Variants in UNC50 observed in about 807,000 individuals in gnomAD.
The protein encoded by UNC50 is protein unc-50 homolog.
Under a neutral mutation model 31.5 loss-of-function variants are expected in UNC50, and 24 were observed. The ratio of observed to expected loss-of-function variants is 0.76; its 90% CI spans 0.55 to 1.07. The LOEUF is 1.07. Among genes scored for constraint, UNC50 ranks in the 50% least tolerant of loss-of-function variants. The probability of loss-of-function intolerance (pLI) is 0.00; values close to 1 mark genes in which losing one functional copy is unlikely to be tolerated. For missense variants in UNC50, 245 were observed against 304.2 expected, an observed-to-expected ratio of 0.81 and a Z score of 1.45; for synonymous variants, 118 against 114.7, an observed-to-expected ratio of 1.03 and a Z score of -0.18.
chr2:98,614,896 A>G (rs1700895609), intron 3 of UNC50, among the ~76,000 whole-genome samples: 1 of 152,232 alleles, frequency 6.6e-6, no homozygotes, highest in Admixed American at 6.5e-5. Flanking sequence ...ATCCCCAGTG[A>G]CGGAATAGCG....
At position 98,609,776 on chromosome 2, in the gene UNC50, C is replaced by T; in HGVS notation, c.17C>T (p.Ser6Leu). Reference protein sequence around the residue: MLPSTSVNSLVQGNGV... With the variant: MLPSTLVNSLVQGNGV... The stretch of plus-strand genomic sequence containing the variant: ...TCTAGGAAGATGTTACCGAGTACTT[C>T]AGTGAATTCCTTAGTGCAGGGGAAC... Residue 6 changes from serine (S) to leucine (L), a missense_variant, in exon 2 of 6, where the codon TCA (serine) becomes TTA (leucine). Physicochemically the swap from Ser to Leu is moderately radical, Grantham distance 145. Coordinates refer to ENST00000357765, the MANE Select transcript of UNC50 (RefSeq NM_014044.7). 2 of 1,614,236 alleles carry T rather than the reference C, an allele frequency of 1.2e-6. No homozygotes were observed. The highest frequency in any genetic ancestry group is 1.7e-6 in the Non-Finnish European group (2 of 1,180,040).
chr2:98,615,044 C>T (rs367702800), intron 3 of UNC50, among the ~76,000 whole-genome samples: 8 of 152,248 alleles, frequency 5.3e-5, no homozygotes, highest in African/African-American at 1.9e-4. Flanking sequence ...ACTTTTTATT[C>T]ATCATTGAAC....
In UNC50 at chr2:98,608,825, A is replaced by G. The variant is rs1296861001; in HGVS notation, c.-5+99A>G. The G allele has an allele frequency of 8.8e-5, 24 of 273,572 alleles. 1 individual carries two copies. Among genetic ancestry groups the G allele is most frequent in the South Asian group, 8.3e-4 (24 of 29,000 alleles). 16.9% of individuals were successfully genotyped at this position (273,572 alleles called of 1,614,324 possible). On this transcript the variant is annotated intron_variant, in intron 1 of 5. Coordinates refer to ENST00000357765, the MANE Select transcript of UNC50 (RefSeq NM_014044.7). ...CGGCCTGACGTCGCTGCGGCCTGGC[A>G]GTGACCATGTCGGCGTCCGGCCCCT...
At chr2:98,614,081 G>T (rs1380633000) in intron 3 of UNC50, among the ~76,000 whole-genome samples, 1 of 152,240 alleles carries the variant, frequency 6.6e-6, no homozygotes, top group Non-Finnish European at 1.5e-5. Context: ...TAGACTGCAT[G>T]TGTGGGTTGG....
At chr2:98,612,164 G>A (rs1268253669) in intron 3 of UNC50, among the ~76,000 whole-genome samples, 1 of 152,184 alleles carries the variant, frequency 6.6e-6, no homozygotes, top group African/African-American at 2.4e-5. Context: ...CAGTGGTTGG[G>A]TAGACATGGT....
At chr2:98,612,649 T>C (rs1229831157) in intron 3 of UNC50, among the ~76,000 whole-genome samples, 1 of 152,194 alleles carries the variant, frequency 6.6e-6, no homozygotes, top group Non-Finnish European at 1.5e-5. Flanking sequence ...CCTCAGGTGA[T>C]CCTCCCGCCT....
rs566349570 is a variant in UNC50, at chr2:98,618,123, A to ATTTAT, written c.644-42_644-41insATTTT. The stretch of plus-strand genomic sequence containing the variant: ...CAAAATGTTCATTTATTAGTCATTT[A>ATTTAT]TTTTTTTTTTTTTTTAAATCAGTTT... On this transcript the variant is annotated intron_variant, in intron 5 of 5. Coordinates refer to ENST00000357765, the MANE Select transcript of UNC50 (RefSeq NM_014044.7). The ATTTAT allele has an allele frequency of 5.2e-3, 6,410 of 1,233,950 alleles. 4 individuals carry two copies. The highest frequency in any genetic ancestry group is 6.4e-3 in the Non-Finnish European group (5,962 of 931,682). 76.4% of individuals were successfully genotyped at this position (1,233,950 alleles called of 1,614,324 possible).
At chr2:98,609,351 T>C (rs1269196502) in intron 1 of UNC50, 2 of 261,420 alleles carry the variant, frequency 7.7e-6, no homozygotes, top group Non-Finnish European at 1.5e-5. Context: ...TCAGTAACAC[T>C]GTTCTAACCG....
At chr2:98,609,558 C>T (rs3203856) in intron 1 of UNC50, 198 bp from the exon 2 acceptor site, 179,513 of 726,042 alleles carry the variant, frequency 0.25, 22,997 homozygotes, top group Middle Eastern at 0.31. Context: ...TTGCCCTTGC[C>T]TGAGGTTGCA....
At chr2:98,610,559 CA>C (rs755044694) in intron 2 of UNC50, among the ~76,000 whole-genome samples, 1 of 152,148 alleles carries the variant, frequency 6.6e-6, no homozygotes, top group Non-Finnish European at 1.5e-5. Flanking sequence ...ATACTGAGGC[CA>C]CCGTGGTGAA....
chr2:98,615,605 C>T (rs148020328), intron 3 of UNC50, among the ~76,000 whole-genome samples: 170 of 152,308 alleles, frequency 1.1e-3, no homozygotes, highest in African/African-American at 3.8e-3. Flanking sequence ...CCCCTCTGCT[C>T]ATCTCTTCCT....
In UNC50 at chr2:98,610,052, A is replaced by T; in HGVS notation, c.280+13A>T. 6.2e-7 allele frequency: 1 copy of T among 1,603,056 alleles called. No individual in the cohort carries two copies. The highest frequency in any genetic ancestry group is 1.1e-5 in the South Asian group (1 of 90,540). On this transcript the variant is annotated intron_variant, in intron 2 of 5. Coordinates refer to ENST00000357765, the MANE Select transcript of UNC50 (RefSeq NM_014044.7). The stretch of plus-strand genomic sequence containing the variant: ...ATCTGGCTCTGTGGTAAGTGTGTTT[A>T]TCTGAGATAGAATTGAACGCTGAGT...
intron 2 of UNC50, 42 bp from the exon 3 acceptor site, chr2:98,610,733 C>T (rs1349691017): frequency 6.2e-7 from 1 of 1,609,022 alleles, no homozygotes. Flanking sequence ...TTTCCAGAAC[C>T]TAGCAGAGTC....
intron 3 of UNC50, among the ~76,000 whole-genome samples, chr2:98,613,039 T>C (rs958066836): frequency 6.6e-6 from 1 of 152,206 alleles, no homozygotes; most frequent in African/African-American, 2.4e-5. Flanking sequence ...AAAACTACAG[T>C]TTCTGTGAAG....
intron 3 of UNC50, among the ~76,000 whole-genome samples, chr2:98,615,603 C>T (rs964536235): frequency 6.6e-6 from 1 of 152,200 alleles, no homozygotes; most frequent in Non-Finnish European, 1.5e-5. Context: ...AGCCCCTCTG[C>T]TCATCTCTTC....
chr2:98,617,667 G>A (rs1024837709), intron 5 of UNC50, among the ~76,000 whole-genome samples: 1 of 152,142 alleles, frequency 6.6e-6, no homozygotes, highest in African/African-American at 2.4e-5. Context: ...ATATTTAAGA[G>A]TTTCAGTTCT....
Position 98,616,495 on chromosome 2 carries a change from T to C in UNC50, c.605T>C (p.Val202Ala), listed in dbSNP as rs746609731. 1 of 1,614,084 alleles carries C rather than the reference T, an allele frequency of 6.2e-7. No individual in the cohort carries two copies. The highest frequency in any genetic ancestry group is 1.1e-5 in the South Asian group (1 of 91,084). ...LVGNTLWLVA[V>A]GYYIYVTFLG... ...GGAAATACCTTATGGTTGGTTGCAGTTGGCTATTATATCTATGTAACTTTC... is the reference window on the plus strand; with the variant it reads ...GGAAATACCTTATGGTTGGTTGCAGCTGGCTATTATATCTATGTAACTTTC... The change falls in exon 5 of 6, where the codon GTT becomes GCT. Residue 202 changes from valine to alanine, a missense_variant. Physicochemically the swap from Val to Ala is moderately conservative, Grantham distance 64. Coordinates refer to ENST00000357765, the MANE Select transcript of UNC50 (RefSeq NM_014044.7).
At chr2:98,612,390 C>G (rs1198288426) in intron 3 of UNC50, among the ~76,000 whole-genome samples, 1 of 151,758 alleles carries the variant, frequency 6.6e-6, no homozygotes, top group Non-Finnish European at 1.5e-5. Flanking sequence ...AACTCTGCAA[C>G]TATAACTTCT....
chr2:98,618,282 T>C lies in UNC50; in HGVS notation c.758T>C (p.Phe253Ser), dbSNP rs750133812. 9 of 1,608,018 alleles carry C rather than the reference T, an allele frequency of 5.6e-6. No individual in the cohort carries two copies. In the South Asian group the frequency reaches 1.0e-4, roughly 18 times the overall value. The stretch of plus-strand genomic sequence containing the variant: ...AACTTCACCCATACTCTCTGTTCTT[T>C]CTATAAGTACAGAGTGAAATAAAAA... ...GWNFTHTLCS[F>S]YKYRVK is the part of the protein sequence containing the mutation. Residue 253 changes from phenylalanine to serine, a missense_variant, in exon 6 of 6, where the codon TTC (phenylalanine) becomes TCC (serine). Coordinates refer to ENST00000357765, the MANE Select transcript of UNC50 (RefSeq NM_014044.7).
Sources: gnomAD v4.1 joint callset for allele counts (sites outside exome capture counted in the v4.1 genomes callset) on GRCh38, gnomAD v4.1.1 for gene constraint, MANE v1.5 for transcripts, NCBI Gene and HGNC (gene_info 2026-07-23, HGNC 2026-07-21) for gene names.